Variants in MCPH1 observed in about 807,000 individuals in gnomAD.
MCPH1 encodes the protein microcephalin 1, also known as microcephalin.
In MCPH1, 104 loss-of-function variants were observed where a neutral mutation model predicts 84.5. The ratio of observed to expected loss-of-function variants is 1.23; its 90% CI spans 1.05 to 1.45. MCPH1 has a LOEUF of 1.45. Among genes scored for constraint, MCPH1 ranks in the 40% most tolerant of loss-of-function variants. The pLI is 0.00. For synonymous variants in MCPH1, 514 were observed against 366.8 expected, an observed-to-expected ratio of 1.40 and a Z score of -4.58; for missense variants, 1,498 against 1,005.7, an observed-to-expected ratio of 1.49 and a Z score of -6.62.
intron 12 of MCPH1, among the ~76,000 whole-genome samples, chr8:6,556,770 T>A (rs1824686414): frequency 1.3e-5 from 2 of 152,048 alleles, no homozygotes; most frequent in Admixed American, 1.3e-4. Flanking sequence ...CGTGCCATTG[T>A]AGAGATGGGG....
At chr8:6,550,467 C>T (rs1479936922) in intron 12 of MCPH1, among the ~76,000 whole-genome samples, 12 of 152,244 alleles carry the variant, frequency 7.9e-5, no homozygotes, top group East Asian at 1.9e-4. Flanking sequence ...CGCGTCCTCA[C>T]CTCCCCTCCG....
intron 8 of MCPH1, among the ~76,000 whole-genome samples, chr8:6,448,729 A>G (rs1316367492): frequency 2.0e-5 from 3 of 152,236 alleles, no homozygotes; most frequent in Admixed American, 6.5e-5. Context: ...TTACAAAAGC[A>G]GTATGTCATA....
intron 13 of MCPH1, chr8:6,624,856 C>T (rs1407182003): frequency 1.0e-6 from 1 of 984,860 alleles, no homozygotes; most frequent in Non-Finnish European, 1.2e-6. Context: ...TATTCTCTAA[C>T]CAGAAACAAA....
chr8:6,517,922 G>C (rs963021285), intron 12 of MCPH1, among the ~76,000 whole-genome samples: 2 of 152,208 alleles, frequency 1.3e-5, no homozygotes, highest in Non-Finnish European at 2.9e-5. Context: ...ATTGAGGTTT[G>C]TGAAAGCTTA....
At chr8:6,635,909 C>G (rs899644489) in intron 13 of MCPH1, among the ~76,000 whole-genome samples, 1 of 152,242 alleles carries the variant, frequency 6.6e-6, no homozygotes, top group African/African-American at 2.4e-5. Flanking sequence ...ATTGCGGTCT[C>G]TGCTGATGCC....
At chr8:6,406,938 C>T (rs1342042303) in intron 1 of MCPH1, 6 of 542,710 alleles carry the variant, frequency 1.1e-5, no homozygotes, top group African/African-American at 4.6e-5. Context: ...TCCCGTGCTC[C>T]CTGTCCCCCC....
intron 13 of MCPH1, chr8:6,625,491 C>G: frequency 4.1e-6 from 4 of 984,908 alleles, no homozygotes; most frequent in Non-Finnish European, 3.6e-6. Context: ...AGGAATATAT[C>G]AAACCATTTT....
intron 9 of MCPH1, among the ~76,000 whole-genome samples, chr8:6,476,645 C>G (rs1001807736): frequency 1.3e-5 from 2 of 152,114 alleles, no homozygotes; most frequent in Non-Finnish European, 2.9e-5. Flanking sequence ...ACCAGCAGTC[C>G]TTCCCCAAAT....
intron 12 of MCPH1, among the ~76,000 whole-genome samples, chr8:6,591,353 G>A (rs1828437502): frequency 6.6e-6 from 1 of 152,206 alleles, no homozygotes; most frequent in East Asian, 1.9e-4. Context: ...GTTTATTAAG[G>A]TCTTGATCTC....
At chr8:6,517,803 T>C (rs1816557091) in intron 12 of MCPH1, among the ~76,000 whole-genome samples, 1 of 152,228 alleles carries the variant, frequency 6.6e-6, no homozygotes, top group African/African-American at 2.4e-5. Context: ...AGAATTTACA[T>C]CCAAGTCTGT....
chr8:6,515,796 A>T (rs2129568084), intron 12 of MCPH1, among the ~76,000 whole-genome samples: 1 of 152,328 alleles, frequency 6.6e-6, no homozygotes, highest in East Asian at 1.9e-4. Flanking sequence ...TCTTTTTGAG[A>T]ATAATGGAGG....
chr8:6,570,216 G>T (rs928162384), intron 12 of MCPH1, among the ~76,000 whole-genome samples: 9 of 152,176 alleles, frequency 5.9e-5, no homozygotes, highest in African/African-American at 1.9e-4. Context: ...AGATGAAGTT[G>T]AGCACAATTT....
chr8:6,411,288 G>A (rs1176152004), intron 2 of MCPH1, among the ~76,000 whole-genome samples: 2 of 152,134 alleles, frequency 1.3e-5, no homozygotes, highest in Non-Finnish European at 2.9e-5. Context: ...TCCACCAGAA[G>A]TTTTTATCTT....
At chr8:6,604,736 C>T (rs1265153934) in intron 12 of MCPH1, among the ~76,000 whole-genome samples, 2 of 152,212 alleles carry the variant, frequency 1.3e-5, no homozygotes, top group African/African-American at 4.8e-5. Flanking sequence ...AATTCCTGAC[C>T]TCAGGGGATC....
chr8:6,531,282 TTTCTTTCTTTC>T (rs1819458506), intron 12 of MCPH1, among the ~76,000 whole-genome samples: 1 of 149,406 alleles, frequency 6.7e-6, no homozygotes. Flanking sequence ...AGTTTCTTTC[TTTCTTTCTTTC>T]TTTTTTTTTT....
At chr8:6,438,598 A>G (rs1333980276) in intron 5 of MCPH1, among the ~76,000 whole-genome samples, 1 of 152,214 alleles carries the variant, frequency 6.6e-6, no homozygotes, top group Non-Finnish European at 1.5e-5. Flanking sequence ...GAGACAAGAA[A>G]CAGAAACTAA....
intron 12 of MCPH1, among the ~76,000 whole-genome samples, chr8:6,590,244 C>A (rs576422436): frequency 6.6e-6 from 1 of 151,224 alleles, no homozygotes; most frequent in Non-Finnish European, 1.5e-5. Context: ...GTAATCATTA[C>A]ACATAGAAAT....
intron 12 of MCPH1, among the ~76,000 whole-genome samples, chr8:6,587,429 A>G (rs7003723): frequency 0.21 from 32,035 of 152,088 alleles, 3,510 homozygotes; most frequent in South Asian, 0.31. Flanking sequence ...AACACTTTCA[A>G]TGTGTGGTTG....
intron 8 of MCPH1, chr8:6,445,800 T>G: frequency 7.9e-7 from 1 of 1,268,830 alleles, no homozygotes; most frequent in South Asian, 2.3e-5. Context: ...TTCTTATAGG[T>G]CAAAAGGATA....
Sources: gnomAD v4.1 joint callset for allele counts (sites outside exome capture counted in the v4.1 genomes callset) on GRCh38, gnomAD v4.1.1 for gene constraint, MANE v1.5 for transcripts, NCBI Gene and HGNC (gene_info 2026-07-23, HGNC 2026-07-21) for gene names.